The following WDR7 variants were observed in gnomAD, a reference collection of about 807,000 sequenced individuals.
The protein encoded by WDR7 is WD repeat-containing protein 7.
In WDR7, 46 loss-of-function variants were observed where a neutral mutation model predicts 169.4. That is an observed-to-expected ratio of 0.27 (90% CI 0.21 to 0.35). The LOEUF (loss-of-function observed/expected upper bound fraction) is 0.35, where lower values mean the gene tolerates loss of function less well. WDR7 is among the 10% of genes least tolerant of loss of function. The pLI, the probability that WDR7 is intolerant of heterozygous loss-of-function variation, is 1.00. For missense variants in WDR7, 1,534 were observed against 1,859.3 expected (o/e 0.83, Z 3.22); for synonymous variants, 612 against 666.8 (o/e 0.92, Z 1.27).
intron 26 of WDR7, among the ~76,000 whole-genome samples, chr18:56,989,267 A>C (rs1375704599): frequency 2.0e-5 from 3 of 152,182 alleles, no homozygotes; most frequent in Non-Finnish European, 4.4e-5. Flanking sequence ...TGAGGAGTTG[A>C]GTTCTTTGTT....
chr18:56,721,071 A>G (rs1182927221), intron 13 of WDR7, among the ~76,000 whole-genome samples: 1 of 152,044 alleles, frequency 6.6e-6, no homozygotes, highest in Non-Finnish European at 1.5e-5. Context: ...AAATGAAGCT[A>G]GAAAAAATCA....
chr18:56,669,255 A>T (rs1395854034), intron 1 of WDR7, among the ~76,000 whole-genome samples: 1 of 152,150 alleles, frequency 6.6e-6, no homozygotes, highest in Admixed American at 6.5e-5. Context: ...ATCAAAAGAG[A>T]TGACTGAAAT....
chr18:56,836,254 A>C (rs972054044), intron 20 of WDR7, among the ~76,000 whole-genome samples: 3 of 152,064 alleles, frequency 2.0e-5, no homozygotes, highest in South Asian at 2.1e-4. Context: ...GCCAGGATTC[A>C]CCTAAATTTT....
intron 19 of WDR7, among the ~76,000 whole-genome samples, chr18:56,804,813 A>G (rs1489352777): frequency 6.6e-6 from 1 of 152,252 alleles, no homozygotes; most frequent in East Asian, 1.9e-4. Flanking sequence ...AAATGTACAA[A>G]GGAACATCTC....
chr18:56,793,019 C>T (rs1453003117), intron 19 of WDR7, among the ~76,000 whole-genome samples: 1 of 152,042 alleles, frequency 6.6e-6, no homozygotes, highest in Non-Finnish European at 1.5e-5. Context: ...TAGGTTGCAC[C>T]CAGCAAAGTA....
At chr18:56,909,681 CAG>C (rs1280839824) in intron 21 of WDR7, among the ~76,000 whole-genome samples, 2 of 151,934 alleles carry the variant, frequency 1.3e-5, no homozygotes, top group South Asian at 2.1e-4. Context: ...AATAGAATAA[CAG>C]AAAAATATAT....
chr18:57,026,721 T>A (rs1009103000), intron 27 of WDR7, among the ~76,000 whole-genome samples: 1 of 152,200 alleles, frequency 6.6e-6, no homozygotes, highest in Non-Finnish European at 1.5e-5. Flanking sequence ...ATGAACCATT[T>A]TATTAAGAGG....
intron 21 of WDR7, among the ~76,000 whole-genome samples, chr18:56,920,491 A>G (rs768776590): frequency 1.8e-4 from 28 of 152,176 alleles, no homozygotes; most frequent in South Asian, 4.1e-4. Flanking sequence ...TTTGCAATTC[A>G]TAGGTATTAC....
intron 12 of WDR7, among the ~76,000 whole-genome samples, chr18:56,710,266 G>A (rs2026058785): frequency 1.3e-5 from 2 of 152,088 alleles, no homozygotes; most frequent in Non-Finnish European, 2.9e-5. Flanking sequence ...GCCTCCCAAA[G>A]TGCTGGGATT....
At chr18:56,793,981 T>C (rs2044537395) in intron 19 of WDR7, among the ~76,000 whole-genome samples, 1 of 152,180 alleles carries the variant, frequency 6.6e-6, no homozygotes, top group African/African-American at 2.4e-5. Flanking sequence ...TCTCTTCGAG[T>C]TGCTGCATAG....
intron 25 of WDR7, chr18:56,957,466 T>C (rs1226860125): frequency 7.4e-6 from 1 of 135,382 alleles, no homozygotes; most frequent in Non-Finnish European, 1.5e-5. Context: ...GCAGTCTGAA[T>C]GGGAAAAAAA....
Position 56,771,138 on chromosome 18 carries a change from A to G in WDR7, c.2849-5644A>G, listed in dbSNP as rs551089252. 1.7e-3 allele frequency among the ~76,000 whole-genome samples: 254 copies of G among 152,326 alleles called. 1 individual carries two copies. The highest frequency in any genetic ancestry group is 2.6e-3 in the Non-Finnish European group (176 of 68,024). On this transcript the variant is annotated intron_variant, in intron 16 of 27. Transcript: ENST00000254442. The stretch of plus-strand genomic sequence containing the variant: ...TTGTTTATGAAATGCAGTGTCCAGA[A>G]ATACCAATACCACCAAAACTTTAAC...
intron 25 of WDR7, among the ~76,000 whole-genome samples, chr18:56,942,534 A>G (rs1211676625): frequency 6.6e-6 from 1 of 152,208 alleles, no homozygotes; most frequent in African/African-American, 2.4e-5. Flanking sequence ...GGTCCTGGTA[A>G]CATTTTTATT....
At chr18:56,898,300 G>T (rs990059094) in intron 21 of WDR7, among the ~76,000 whole-genome samples, 1 of 151,988 alleles carries the variant, frequency 6.6e-6, no homozygotes. Flanking sequence ...CTTACAGAAG[G>T]ATTCTGGTTA....
intron 19 of WDR7, among the ~76,000 whole-genome samples, chr18:56,797,480 T>A (rs2044603380): frequency 6.6e-6 from 1 of 151,998 alleles, no homozygotes; most frequent in South Asian, 2.1e-4. Context: ...ATGTAGTTTT[T>A]AAAATATAAA....
chr18:56,836,071 A>C (rs1018441082), intron 20 of WDR7, among the ~76,000 whole-genome samples: 2 of 152,226 alleles, frequency 1.3e-5, no homozygotes, highest in African/African-American at 4.8e-5. Context: ...TGTGAAGATT[A>C]ATTGAAAGCT....
chr18:57,019,224 G>T (rs1181831523), intron 26 of WDR7, among the ~76,000 whole-genome samples: 1 of 152,148 alleles, frequency 6.6e-6, no homozygotes, highest in Non-Finnish European at 1.5e-5. Context: ...CTCTAAGCAA[G>T]CAGGAGTAAC....
chr18:56,719,530 C>G (rs1475586190), intron 13 of WDR7, among the ~76,000 whole-genome samples: 1 of 139,300 alleles, frequency 7.2e-6, no homozygotes, highest in Admixed American at 7.0e-5. Context: ...CCACTGCACT[C>G]CAGCCTGGGA....
At chr18:56,819,577 T>C (rs2045049246) in intron 20 of WDR7, among the ~76,000 whole-genome samples, 1 of 152,200 alleles carries the variant, frequency 6.6e-6, no homozygotes, top group East Asian at 1.9e-4. Flanking sequence ...ATTAATGTTG[T>C]TTTAAGTAGA....
Sources: gnomAD v4.1 joint callset for allele counts (sites outside exome capture counted in the v4.1 genomes callset) on GRCh38, gnomAD v4.1.1 for gene constraint, MANE v1.5 for transcripts, NCBI Gene and HGNC (gene_info 2026-07-23, HGNC 2026-07-21) for gene names.